Variants in LRRC4C observed in about 807,000 individuals in gnomAD.
The protein encoded by LRRC4C is leucine rich repeat containing 4C.
A neutral mutation model predicts 33.6 loss-of-function variants in LRRC4C; 5 were observed. That is an observed-to-expected ratio of 0.15 (90% confidence interval 0.08 to 0.31). The LOEUF (loss-of-function observed/expected upper bound fraction) is 0.31. Ranked by LOEUF, LRRC4C falls within the 10% of genes least tolerant of loss-of-function variation. The pLI, the probability that LRRC4C is intolerant of heterozygous loss-of-function variation, is 1.00. For synonymous variants in LRRC4C, 329 were observed against 302.0 expected, an observed-to-expected ratio of 1.09 and a Z score of -0.93; for missense variants, 560 against 796.7, an observed-to-expected ratio of 0.70 and a Z score of 3.58.
chr11:41,224,222 T>C (rs1947428842), intron 1 of LRRC4C, among the ~76,000 whole-genome samples: 1 of 152,232 alleles, frequency 6.6e-6, no homozygotes. Context: ...CTGTTCTTTT[T>C]ACTGACCAAC....
At chr11:41,267,582 A>C (rs1949191997) in intron 1 of LRRC4C, among the ~76,000 whole-genome samples, 1 of 152,142 alleles carries the variant, frequency 6.6e-6, no homozygotes, top group Non-Finnish European at 1.5e-5. Context: ...TGCTACTAAC[A>C]GCTCTACGCT....
At chr11:40,901,820 G>A (rs1956213005) in intron 2 of LRRC4C, among the ~76,000 whole-genome samples, 1 of 151,960 alleles carries the variant, frequency 6.6e-6, no homozygotes, top group Non-Finnish European at 1.5e-5. Context: ...TTAAAGGGGA[G>A]ACAGAGGGAG....
chr11:40,441,892 G>A (rs995337672), intron 3 of LRRC4C, among the ~76,000 whole-genome samples: 84 of 152,284 alleles, frequency 5.5e-4, no homozygotes, highest in Non-Finnish European at 7.4e-5. Context: ...GCTGGGCACC[G>A]TGGCTCACGC....
chr11:40,365,528 A>G (rs1948169153), intron 3 of LRRC4C, among the ~76,000 whole-genome samples: 1 of 152,018 alleles, frequency 6.6e-6, no homozygotes, highest in African/African-American at 2.4e-5. Context: ...TTCATGTCAC[A>G]TGAGTTCTAA....
chr11:40,552,671 G>C (rs1031085199), intron 3 of LRRC4C, among the ~76,000 whole-genome samples: 6 of 152,080 alleles, frequency 3.9e-5, no homozygotes, highest in African/African-American at 1.4e-4. Flanking sequence ...CTTGGTAAAA[G>C]GTGGCTGTTT....
At chr11:40,722,765 G>A (rs1199609198) in intron 2 of LRRC4C, among the ~76,000 whole-genome samples, 1 of 152,190 alleles carries the variant, frequency 6.6e-6, no homozygotes, top group African/African-American at 2.4e-5. Context: ...AGATGGAAAT[G>A]TCTGAAATGA....
At chr11:41,178,080 A>G (rs1439163869) in intron 1 of LRRC4C, among the ~76,000 whole-genome samples, 1 of 152,200 alleles carries the variant, frequency 6.6e-6, no homozygotes, top group Non-Finnish European at 1.5e-5. Flanking sequence ...TCCCAAGCCC[A>G]TTACATCACT....
chr11:41,181,106 T>C (rs1374998769), intron 1 of LRRC4C, among the ~76,000 whole-genome samples: 3 of 152,144 alleles, frequency 2.0e-5, no homozygotes, highest in African/African-American at 4.8e-5. Flanking sequence ...ATTCAGTGAG[T>C]GAAATAGCAT....
intron 5 of LRRC4C, among the ~76,000 whole-genome samples, chr11:40,210,797 G>C (rs1180186691): frequency 6.6e-6 from 1 of 152,114 alleles, no homozygotes. Flanking sequence ...TTTTGAGATA[G>C]AGTCTCACTC....
chr11:40,486,610 G>A (rs1374029975), intron 3 of LRRC4C, among the ~76,000 whole-genome samples: 1 of 151,968 alleles, frequency 6.6e-6, no homozygotes, highest in Non-Finnish European at 1.5e-5. Context: ...TGTTATTGAG[G>A]TAGTGTAGAT....
At chr11:41,063,291 G>A (rs1315035365) in intron 1 of LRRC4C, among the ~76,000 whole-genome samples, 1 of 152,162 alleles carries the variant, frequency 6.6e-6, no homozygotes, top group Non-Finnish European at 1.5e-5. Flanking sequence ...GGATGTAATA[G>A]TAAACAAAAC....
intron 3 of LRRC4C, among the ~76,000 whole-genome samples, chr11:40,427,673 C>CA (rs1170649516): frequency 6.6e-6 from 1 of 151,484 alleles, no homozygotes; most frequent in African/African-American, 2.4e-5. Context: ...ACAAAAAATA[C>CA]AAAAAAATTA....
chr11:41,350,146 A>G (rs991124791), intron 1 of LRRC4C, among the ~76,000 whole-genome samples: 1 of 152,228 alleles, frequency 6.6e-6, no homozygotes, highest in Non-Finnish European at 1.5e-5. Context: ...TTTTGACCTC[A>G]GTGACTACCT....
intron 1 of LRRC4C, among the ~76,000 whole-genome samples, chr11:41,322,789 G>C (rs1950996468): frequency 6.6e-6 from 1 of 152,156 alleles, no homozygotes; most frequent in South Asian, 2.1e-4. Flanking sequence ...GAAGGGAAAA[G>C]GTTCAGGAGG....
chr11:40,701,089 C>G (rs1430490782), intron 2 of LRRC4C, among the ~76,000 whole-genome samples: 1 of 152,020 alleles, frequency 6.6e-6, no homozygotes, highest in Non-Finnish European at 1.5e-5. Flanking sequence ...ATAAAAGTGT[C>G]TAATTAAGAT....
chr11:40,226,890 A>G (rs1188186819), intron 5 of LRRC4C, among the ~76,000 whole-genome samples: 3 of 152,212 alleles, frequency 2.0e-5, no homozygotes, highest in African/African-American at 7.2e-5. Flanking sequence ...GTATTCACTT[A>G]GACTAGGGAA....
intron 1 of LRRC4C, among the ~76,000 whole-genome samples, chr11:41,145,194 T>C (rs1055192413): frequency 2.0e-5 from 3 of 152,262 alleles, no homozygotes; most frequent in South Asian, 2.1e-4. Flanking sequence ...CTCTAGAAGA[T>C]TTGCACAAAC....
chr11:41,079,887 G>T (rs1457617826), intron 1 of LRRC4C, among the ~76,000 whole-genome samples: 3 of 152,094 alleles, frequency 2.0e-5, no homozygotes, highest in African/African-American at 7.2e-5. Context: ...CAAGGGATTG[G>T]ATATCCCTGC....
intron 2 of LRRC4C, among the ~76,000 whole-genome samples, chr11:40,817,040 G>A (rs1951734109): frequency 6.6e-6 from 1 of 152,078 alleles, no homozygotes; most frequent in African/African-American, 2.4e-5. Flanking sequence ...AGCTTAATCT[G>A]AAACTAGCAT....
Sources: gnomAD v4.1 joint callset for allele counts (sites outside exome capture counted in the v4.1 genomes callset) on GRCh38, gnomAD v4.1.1 for gene constraint, MANE v1.5 for transcripts, NCBI Gene and HGNC (gene_info 2026-07-23, HGNC 2026-07-21) for gene names.